Variants in UBE2E2 observed in about 807,000 individuals in gnomAD.
UBE2E2 encodes ubiquitin-conjugating enzyme E2 E2.
A neutral mutation model predicts 24.7 loss-of-function variants in UBE2E2; 6 were observed. The ratio of observed to expected loss-of-function variants is 0.24; its 90% CI spans 0.13 to 0.48. The LOEUF (loss-of-function observed/expected upper bound fraction) is 0.48, where lower values mean the gene tolerates loss of function less well. Among genes scored for constraint, UBE2E2 ranks in the 20% least tolerant of loss-of-function variants. The pLI is 0.99. For synonymous variants in UBE2E2, 104 were observed against 83.6 expected, an observed-to-expected ratio of 1.24 and a Z score of -1.33; for missense variants, 169 against 245.0, an observed-to-expected ratio of 0.69 and a Z score of 2.07.
At chr3:23,350,905 G>A (rs1333083545) in intron 3 of UBE2E2, among the ~76,000 whole-genome samples, 3 of 152,114 alleles carry the variant, frequency 2.0e-5, no homozygotes, top group Admixed American at 6.5e-5. Context: ...GATACTCCTC[G>A]AGAAGAGCAA....
intron 5 of UBE2E2, among the ~76,000 whole-genome samples, chr3:23,587,397 A>G (rs1186060345): frequency 6.6e-6 from 1 of 152,202 alleles, no homozygotes; most frequent in Non-Finnish European, 1.5e-5. Context: ...GGATGTGGGT[A>G]CAGTTTGAGG....
rs200848179 is a variant in UBE2E2 at position 23,208,768 on chromosome 3, A to C, written c.69A>C (p.Gln23His). ...STSGGSSDGDQRESVQQEPER... is the reference protein window; with the variant it reads ...STSGGSSDGDHRESVQQEPER... The stretch of plus-strand genomic sequence containing the variant: ...GTGGAGGAAGTTCCGATGGAGATCA[A>C]CGTGAAAGTGTTCAGCAAGAACCAG... Residue 23 changes from glutamine to histidine, a missense_variant, in exon 2 of 6, where the codon CAA (glutamine) becomes CAC (histidine). By Grantham distance (24) the Gln-to-His change is conservative (BLOSUM62 0). Around this residue, in one of 2 missense-constraint regions of UBE2E2, gnomAD observed 64 missense variants for 64.3 expected, o/e 1.00. Transcript: ENST00000396703. 1 of 1,613,754 alleles carries C rather than the reference A, an allele frequency of 6.2e-7. No individual in the cohort carries two copies. Among genetic ancestry groups the C allele is most frequent in the African/African-American group, 1.3e-5 (1 of 74,928 alleles).
At chr3:23,210,758 CT>C (rs1269830574) in intron 2 of UBE2E2, among the ~76,000 whole-genome samples, 3 of 152,130 alleles carry the variant, frequency 2.0e-5, no homozygotes, top group Non-Finnish European at 4.4e-5. Context: ...TTTTGAGTTG[CT>C]TCCTGGCTGA....
intron 3 of UBE2E2, among the ~76,000 whole-genome samples, chr3:23,224,635 C>A (rs1234146930): frequency 2.6e-5 from 4 of 151,782 alleles, no homozygotes; most frequent in Non-Finnish European, 5.9e-5. Flanking sequence ...AGTTTGGATG[C>A]CCTTTATTTC....
At chr3:23,511,991 A>C (rs1204466965) in intron 4 of UBE2E2, among the ~76,000 whole-genome samples, 2 of 152,112 alleles carry the variant, frequency 1.3e-5, no homozygotes, top group Non-Finnish European at 2.9e-5. Context: ...TTTCAGTTTT[A>C]ATCGAACTAA....
At chr3:23,308,994 G>T (rs1430998636) in intron 3 of UBE2E2, among the ~76,000 whole-genome samples, 1 of 152,226 alleles carries the variant, frequency 6.6e-6, no homozygotes, top group Non-Finnish European at 1.5e-5. Flanking sequence ...TTCCAGAAGA[G>T]AGAGAAAGTA....
At chr3:23,530,634 C>A (rs1414531389) in intron 4 of UBE2E2, among the ~76,000 whole-genome samples, 1 of 152,174 alleles carries the variant, frequency 6.6e-6, no homozygotes, top group Non-Finnish European at 1.5e-5. Flanking sequence ...CATTCTAGAG[C>A]CCACGCTTTC....
chr3:23,363,554 G>C, intron 3 of UBE2E2, among the ~76,000 whole-genome samples: 1 of 152,116 alleles, frequency 6.6e-6, no homozygotes, highest in East Asian at 1.9e-4. Context: ...CACAAAGAAA[G>C]GCATTACGTA....
intron 3 of UBE2E2, among the ~76,000 whole-genome samples, chr3:23,297,444 T>A (rs1698943953): frequency 6.6e-6 from 1 of 152,148 alleles, no homozygotes; most frequent in Non-Finnish European, 1.5e-5. Context: ...TGGTTTTAGG[T>A]CTAACGTTTA....
At chr3:23,206,402 G>A (rs1696147964) in intron 1 of UBE2E2, among the ~76,000 whole-genome samples, 1 of 152,244 alleles carries the variant, frequency 6.6e-6, no homozygotes, top group African/African-American at 2.4e-5. Flanking sequence ...GAAACATACT[G>A]ATATAAAATT....
intron 3 of UBE2E2, among the ~76,000 whole-genome samples, chr3:23,248,280 T>C (rs1324283817): frequency 6.6e-6 from 1 of 152,252 alleles, no homozygotes; most frequent in African/African-American, 2.4e-5. Flanking sequence ...TGGCCAGAAT[T>C]AACCCACATC....
At chr3:23,247,584 C>T (rs1697448317) in intron 3 of UBE2E2, among the ~76,000 whole-genome samples, 1 of 152,136 alleles carries the variant, frequency 6.6e-6, no homozygotes, top group Admixed American at 6.6e-5. Flanking sequence ...AAACTCTCAA[C>T]CTCAGGTGAT....
At chr3:23,223,014 GC>G (rs368747645) in intron 3 of UBE2E2, among the ~76,000 whole-genome samples, 15,243 of 65,508 alleles carry the variant, frequency 0.23, 1,355 homozygotes, top group East Asian at 0.37. Context: ...TACATCTTTT[GC>G]CCCCCCCCCC....
intron 3 of UBE2E2, among the ~76,000 whole-genome samples, chr3:23,357,841 C>A (rs1472238465): frequency 8.1e-6 from 1 of 123,092 alleles, no homozygotes; most frequent in Non-Finnish European, 1.8e-5. Flanking sequence ...GGAAGGAAAT[C>A]TATTTAATTT....
intron 3 of UBE2E2, among the ~76,000 whole-genome samples, chr3:23,435,509 A>T (rs1198862440): frequency 6.6e-6 from 1 of 152,224 alleles, no homozygotes; most frequent in African/African-American, 2.4e-5. Context: ...AGTTGGGCTC[A>T]GCAGCAGTTA....
chr3:23,255,567 G>A lies in UBE2E2; in HGVS notation c.227+38255G>A, dbSNP rs138708716. ...TCAAAGGGGATTGAGAAATAAAGTT[G>A]TAGAGTCAAAGTAGAGAGAAAAAGG... On this transcript the variant is annotated intron_variant, in intron 3 of 5. Transcript: ENST00000396703. 1.0e-3 allele frequency among the ~76,000 whole-genome samples: 156 copies of A among 152,238 alleles called. 1 individual carries two copies. Among genetic ancestry groups the A allele is most frequent in the Admixed American group, 2.8e-3 (43 of 15,282 alleles).
chr3:23,334,673 A>G (rs994303725), intron 3 of UBE2E2, among the ~76,000 whole-genome samples: 4 of 152,184 alleles, frequency 2.6e-5, no homozygotes, highest in Admixed American at 6.5e-5. Flanking sequence ...AAGCTGTACT[A>G]GCATATTTTG....
chr3:23,239,407 G>T (rs1441386881), intron 3 of UBE2E2, among the ~76,000 whole-genome samples: 2 of 152,150 alleles, frequency 1.3e-5, no homozygotes, highest in African/African-American at 4.8e-5. Flanking sequence ...TCCTAGAAAG[G>T]AACCCCACAT....
intron 3 of UBE2E2, among the ~76,000 whole-genome samples, chr3:23,232,469 T>C (rs1357587420): frequency 1.3e-5 from 2 of 151,140 alleles, no homozygotes; most frequent in African/African-American, 4.8e-5. Flanking sequence ...TTGTTTAGTA[T>C]ATACCCCTTC....
Sources: gnomAD v4.1 joint callset for allele counts (sites outside exome capture counted in the v4.1 genomes callset) on GRCh38, gnomAD v4.1.1 for gene constraint, gnomAD v4.1.1 regional missense constraint, MANE v1.5 for transcripts, NCBI Gene and HGNC (gene_info 2026-07-23, HGNC 2026-07-21) for gene names.